RAD52: variants seen among roughly 807,000 people sequenced by gnomAD.
RAD52 encodes DNA repair protein RAD52 homolog.
In RAD52, 47 loss-of-function variants were observed where a neutral mutation model predicts 55.5. The ratio of observed to expected loss-of-function variants is 0.85; its 90% CI spans 0.67 to 1.08. The LOEUF (loss-of-function observed/expected upper bound fraction) is 1.08, where lower values mean the gene tolerates loss of function less well. Ranked by LOEUF, RAD52 falls within the 50% of genes least tolerant of loss-of-function variation. RAD52 has a pLI of 0.00. For synonymous variants in RAD52, 184 were observed against 198.9 expected, an observed-to-expected ratio of 0.92 and a Z score of 0.63; for missense variants, 468 against 522.8, an observed-to-expected ratio of 0.90 and a Z score of 1.02.
At chr12:981,386 A>G (rs78306387) in intron 1 of RAD52, among the ~76,000 whole-genome samples, 5,515 of 152,036 alleles carry the variant, frequency 0.036, 321 homozygotes, top group African/African-American at 0.13. Flanking sequence ...CCCAAAATAA[A>G]TATTATCCAA....
chr12:956,424 C>G (rs1332113689), intron 1 of RAD52, among the ~76,000 whole-genome samples: 1 of 152,200 alleles, frequency 6.6e-6, no homozygotes, highest in African/African-American at 2.4e-5. Flanking sequence ...TATAGCTACT[C>G]CTGATAGGAA....
chr12:959,809 GGGTT>G (rs571190188), intron 1 of RAD52, among the ~76,000 whole-genome samples: 235 of 152,288 alleles, frequency 1.5e-3, no homozygotes, highest in African/African-American at 5.3e-3. Context: ...TCCCTAGTTA[GGGTT>G]GGTTGCTGGC....
chr12:938,378 C>T (rs916910399), intron 1 of RAD52, among the ~76,000 whole-genome samples: 1 of 152,198 alleles, frequency 6.6e-6, no homozygotes, highest in Admixed American at 6.6e-5. Context: ...CTGGTGAACT[C>T]TTTTATGTTA....
intron 3 of RAD52, among the ~76,000 whole-genome samples, chr12:931,015 C>T (rs953146786): frequency 6.6e-6 from 1 of 151,684 alleles, no homozygotes; most frequent in African/African-American, 2.4e-5. Context: ...CTTAAGACGG[C>T]GGTTATGCGA....
rs1277591413 is a variant in RAD52, at chr12:912,627, A to G, written c.*764T>C. ...CAGTAATCCCTGTATTTTGTAAGGCAGAGGTGGGAGTATCACTTGGGCCCA... is the reference window on the plus strand; with the variant it reads ...CAGTAATCCCTGTATTTTGTAAGGCGGAGGTGGGAGTATCACTTGGGCCCA... On this transcript the variant is annotated 3_prime_UTR_variant, in exon 12 of 12. Transcript: ENST00000358495. 1.2e-5 allele frequency: 2 copies of G among 168,824 alleles called. No homozygotes were observed. Among genetic ancestry groups the G allele is most frequent in the African/African-American group, 4.9e-5 (2 of 40,976 alleles). The allele number at this position is 168,824 out of a possible 1,614,324, so 10.5% of individuals were successfully genotyped here. A position where few individuals can be genotyped will look rare whatever the true frequency, so the allele number is the denominator to read the frequency against.
intron 1 of RAD52, among the ~76,000 whole-genome samples, chr12:970,318 CAAAAA>C (rs4017793): frequency 1.0e-4 from 7 of 67,180 alleles, no homozygotes; most frequent in African/African-American, 4.3e-4. Flanking sequence ...GACATCATCT[CAAAAA>C]AAAAAAAAAA....
At chr12:915,431 TCA>T (rs1022141333) in intron 9 of RAD52, among the ~76,000 whole-genome samples, 1 of 152,186 alleles carries the variant, frequency 6.6e-6, no homozygotes, top group African/African-American at 2.4e-5. Context: ...TGAATCTGCT[TCA>T]CAATTTGTAG....
rs746591120 is a variant in RAD52 at position 912,420 on chromosome 12, C to T, written c.*971G>A. 3 of 201,348 alleles carry T rather than the reference C, an allele frequency of 1.5e-5. No homozygotes were observed. The highest frequency in any genetic ancestry group is 3.1e-5 in the Non-Finnish European group (3 of 97,794). 12.5% of individuals were successfully genotyped at this position (201,348 alleles called of 1,614,324 possible). On this transcript the variant is annotated 3_prime_UTR_variant, in exon 12 of 12. Coordinates refer to ENST00000358495, the MANE Select transcript of RAD52 (RefSeq NM_134424.4). The stretch of plus-strand genomic sequence containing the variant: ...ATACACGAAACACAGGTGAATTCCA[C>T]GTTCAGACTTGGGTCCCATCCCCAA...
intron 1 of RAD52, among the ~76,000 whole-genome samples, chr12:947,718 C>A (rs1229310244): frequency 1.3e-5 from 2 of 151,538 alleles, no homozygotes; most frequent in Non-Finnish European, 2.9e-5. Context: ...GAAACCCTGT[C>A]TCTACTAAAA....
At chr12:929,052 G>T (rs1299132020) in intron 5 of RAD52, among the ~76,000 whole-genome samples, 1 of 152,092 alleles carries the variant, frequency 6.6e-6, no homozygotes, top group Non-Finnish European at 1.5e-5. Flanking sequence ...TTTTAGTAGA[G>T]ACGGGCTTTC....
At chr12:955,788 T>G (rs777031621) in intron 1 of RAD52, among the ~76,000 whole-genome samples, 135 of 150,328 alleles carry the variant, frequency 9.0e-4, no homozygotes, top group Non-Finnish European at 1.3e-3. Context: ...GTTTTTTTTG[T>G]TTTTTTTTGA....
intron 1 of RAD52, among the ~76,000 whole-genome samples, chr12:988,475 C>G (rs1034474479): frequency 6.6e-6 from 1 of 152,112 alleles, no homozygotes; most frequent in Non-Finnish European, 1.5e-5. Flanking sequence ...GTCTTGTGAA[C>G]TTGGGAGGTG....
chr12:935,680 C>G (rs578061176), intron 1 of RAD52, among the ~76,000 whole-genome samples: 117 of 151,284 alleles, frequency 7.7e-4, no homozygotes, highest in Non-Finnish European at 1.2e-3. Context: ...ATGGAAAAAC[C>G]CCGTCTCTAC....
At chr12:964,965 G>GGCTTCCTT (rs1555181837) in intron 1 of RAD52, among the ~76,000 whole-genome samples, 34,930 of 151,190 alleles carry the variant, frequency 0.23, 4,444 homozygotes, top group Non-Finnish European at 0.28. Context: ...CCGCCTGCCT[G>GGCTTCCTT]CCTTCCTTCC....
At chr12:984,289 G>A (rs770785386) in intron 1 of RAD52, among the ~76,000 whole-genome samples, 4 of 151,970 alleles carry the variant, frequency 2.6e-5, no homozygotes, top group Admixed American at 6.6e-5. Context: ...TCCGCCTCCC[G>A]GGTTCAAGCG....
intron 1 of RAD52, among the ~76,000 whole-genome samples, chr12:980,412 G>T (rs1300877093): frequency 2.0e-5 from 3 of 150,824 alleles, no homozygotes; most frequent in Non-Finnish European, 3.0e-5. Context: ...TCCTGCCTCA[G>T]CCTCCCGAGT....
chr12:933,375 T>C (rs1000043742), intron 1 of RAD52, among the ~76,000 whole-genome samples: 1 of 151,648 alleles, frequency 6.6e-6, no homozygotes, highest in African/African-American at 2.4e-5. Context: ...AAAGAATTGC[T>C]TGAACCCAGG....
At chr12:936,428 C>CTTA (rs1458293035) in intron 1 of RAD52, among the ~76,000 whole-genome samples, 3 of 145,778 alleles carry the variant, frequency 2.1e-5, no homozygotes, top group South Asian at 4.3e-4. Flanking sequence ...AAAAAGATGT[C>CTTA]TTACTATTCT....
At chr12:958,255 G>A (rs958370158) in intron 1 of RAD52, among the ~76,000 whole-genome samples, 3 of 152,090 alleles carry the variant, frequency 2.0e-5, no homozygotes, top group South Asian at 2.1e-4. Context: ...CGCTTTTGTC[G>A]CCCAGGCTGG....
Sources: allele counts gnomAD v4.1 joint callset (sites outside exome capture counted in the v4.1 genomes callset), GRCh38; gene constraint gnomAD v4.1.1; transcripts MANE v1.5; gene names NCBI Gene and HGNC (gene_info 2026-07-23, HGNC 2026-07-21).